The following MYOM1 variants were observed in gnomAD, a reference collection of about 807,000 sequenced individuals.
The protein encoded by MYOM1 is myomesin-1.
A neutral mutation model predicts 205.3 loss-of-function variants in MYOM1; 164 were observed. The observed-to-expected ratio is 0.80, with a 90% CI of 0.70 to 0.91. The LOEUF is 0.91. MYOM1 is among the 40% of genes least tolerant of loss of function. MYOM1 has a pLI of 0.00. For synonymous variants in MYOM1, 772 were observed against 789.4 expected (o/e 0.98, Z 0.37); for missense variants, 2,011 against 2,127.3 (o/e 0.95, Z 1.08).
Position 3,102,503 on chromosome 18 carries a change from T to C in MYOM1, c.3546A>G (p.Pro1182=), listed in dbSNP as rs2079392988. ...TGCCCTTGCTTTCGACTTCCAATCG[T>C]GGAGAGTCCTCAGTGGATACATAAT... ...SKDYVSTEDS[P]RLEVESKGNK... Residue 1182 remains proline, a synonymous_variant, in exon 23 of 38, where the codon CCA becomes CCG. Coordinates refer to ENST00000356443, the MANE Select transcript of MYOM1 (RefSeq NM_003803.4). 2 of 1,612,890 alleles carry C rather than the reference T, an allele frequency of 1.2e-6. No homozygotes were observed. Among genetic ancestry groups the C allele is most frequent in the Admixed American group, 3.3e-5 (2 of 59,834 alleles).
rs184669532 is a variant in MYOM1, at chr18:3,068,905, T to C, written c.4765-1350A>G. On this transcript the variant is annotated intron_variant, in intron 37 of 37. Coordinates refer to ENST00000356443, the MANE Select transcript of MYOM1 (RefSeq NM_003803.4). ...GGGATACAATTGCTGGAATGTATGA[T>C]AAATGCATGTTTCATTTTTTCTTTA... Among the ~76,000 whole-genome samples, 318 of 152,332 alleles carry C rather than the reference T, an allele frequency of 2.1e-3. 1 individual carries two copies. Among genetic ancestry groups the C allele is most frequent in the Middle Eastern group, 6.8e-3 (2 of 294 alleles).
chr18:3,173,816 T>C lies in MYOM1; in HGVS notation c.1174+122A>G, dbSNP rs767175270. On this transcript the variant is annotated intron_variant, in intron 8 of 37. Transcript: ENST00000356443. ...AAATAAAATAACCACAGGTACCTAC[T>C]ACATCCAACCTAGCATATACTATGT... 113 of 854,682 alleles carry C rather than the reference T, an allele frequency of 1.3e-4. 1 individual carries two copies. The highest frequency in any genetic ancestry group is 2.0e-4 in the Non-Finnish European group (110 of 546,400). The allele number at this position is 854,682 out of a possible 1,614,324, so 52.9% of individuals were successfully genotyped here. A position where few individuals can be genotyped will look rare whatever the true frequency, so the allele number is the denominator to read the frequency against.
intron 17 of MYOM1, among the ~76,000 whole-genome samples, chr18:3,130,469 A>T (rs1332200936): frequency 6.6e-6 from 1 of 152,168 alleles, no homozygotes; most frequent in Non-Finnish European, 1.5e-5. Context: ...TATTTATTTC[A>T]GACACAGGAT....
At chr18:3,195,279 C>G (rs1249578060) in intron 2 of MYOM1, among the ~76,000 whole-genome samples, 1 of 152,226 alleles carries the variant, frequency 6.6e-6, no homozygotes, top group Non-Finnish European at 1.5e-5. Flanking sequence ...CCACCTCCCC[C>G]AGTGGGGAAT....
rs369026745 is a variant in MYOM1 at position 3,067,492 on chromosome 18, C to G, written c.4828G>C (p.Glu1610Gln). 11 of 1,613,838 alleles carry G rather than the reference C, an allele frequency of 6.8e-6. No homozygotes were observed. The highest frequency in any genetic ancestry group is 2.2e-5 in the East Asian group (1 of 44,876). ...PPPEVSWLKN[E>Q]KALASDDHCN... is the part of the protein sequence containing the mutation. ...TGGTCGTCTGAGGCCAGGGCCTTCT[C>G]GTTCTTCAACCACGACACCTCCGGA... Residue 1610 changes from glutamate to glutamine, a missense_variant, in exon 38 of 38, where the codon GAG becomes CAG. By Grantham distance (29) the Glu-to-Gln change is conservative. Coordinates refer to ENST00000356443, the MANE Select transcript of MYOM1 (RefSeq NM_003803.4).
At chr18:3,234,016 C>G in the MYOM1 span, among the ~76,000 whole-genome samples, 1 of 152,306 alleles carries the variant, frequency 6.6e-6, no homozygotes, top group African/African-American at 2.4e-5. Flanking sequence ...CTACCTTTTC[C>G]TCTTACCCAG....
intron 18 of MYOM1, among the ~76,000 whole-genome samples, chr18:3,128,073 T>C (rs2079821074): frequency 1.3e-5 from 2 of 152,244 alleles, no homozygotes; most frequent in African/African-American, 4.8e-5. Context: ...AATGTTTATT[T>C]GGATTATAGG....
At position 3,135,240 on chromosome 18, in the gene MYOM1, G is replaced by A. The variant is rs2079938731; in HGVS notation, c.2209+307C>T. On this transcript the variant is annotated intron_variant, in intron 15 of 37. Coordinates refer to ENST00000356443, the MANE Select transcript of MYOM1 (RefSeq NM_003803.4). The surrounding 1 kb of genome is among the most constrained non-coding windows in gnomAD (Gnocchi z 4.1). The stretch of plus-strand genomic sequence containing the variant: ...GCTCAGATTACAGACATGAGCCACC[G>A]CGCCTGGCCTACATTGTATTTTTTA... 3.5e-6 allele frequency: 1 copy of A among 285,306 alleles called. No homozygotes were observed. Among genetic ancestry groups the A allele is most frequent in the South Asian group, 5.3e-5 (1 of 19,032 alleles). 17.7% of individuals were successfully genotyped at this position (285,306 alleles called of 1,614,324 possible). A position where few individuals can be genotyped will look rare whatever the true frequency, so the allele number is the denominator to read the frequency against.
At position 3,079,262 on chromosome 18, in the gene MYOM1, G is replaced by A. The variant is rs754185588; in HGVS notation, c.4565C>T (p.Thr1522Ile). ...GACATACTTCCCTTTGTCATTCGGGGTGGGCTCGTTGATTTGTAGCCAGAT... is the reference window on the plus strand; with the variant it reads ...GACATACTTCCCTTTGTCATTCGGGATGGGCTCGTTGATTTGTAGCCAGAT... ...EQIWLQINEP[T>I]PNDKGKYVME... is the part of the protein sequence containing the mutation. The change falls in exon 34 of 38, where the codon ACC becomes ATC. Residue 1522 changes from threonine to isoleucine, a missense_variant. Thr to Ile is a moderately conservative substitution (Grantham distance 89, BLOSUM62 -1). Coordinates refer to ENST00000356443, the MANE Select transcript of MYOM1 (RefSeq NM_003803.4). The A allele has an allele frequency of 3.1e-6, 5 of 1,613,764 alleles. No individual in the cohort carries two copies. The Admixed American group carries it at 5.0e-5, about 16-fold the overall frequency.
chr18:3,206,525 C>T (rs2081125313), intron 2 of MYOM1, among the ~76,000 whole-genome samples: 1 of 152,178 alleles, frequency 6.6e-6, no homozygotes, highest in South Asian at 2.1e-4. Context: ...TTCTACTCTC[C>T]AATTTTCTGT....
intron 5 of MYOM1, among the ~76,000 whole-genome samples, chr18:3,182,647 C>G (rs1210466439): frequency 3.3e-5 from 5 of 152,118 alleles, no homozygotes; most frequent in Non-Finnish European, 4.4e-5. Context: ...GGGTCAATAG[C>G]TTTTCTTGGG....
the MYOM1 span, among the ~76,000 whole-genome samples, chr18:3,243,664 T>C: frequency 2.6e-5 from 4 of 152,232 alleles, no homozygotes; most frequent in Non-Finnish European, 4.4e-5. Flanking sequence ...TTTTCCTTTC[T>C]ATTCTACCCC....
In MYOM1 at chr18:3,126,979, T is replaced by G; in HGVS notation, c.2795-82A>C. On this transcript the variant is annotated intron_variant, in intron 18 of 37. Coordinates refer to ENST00000356443, the MANE Select transcript of MYOM1 (RefSeq NM_003803.4). Reference sequence around the variant, plus strand: ...TAAACATTTCCATGGGTGCCACATATGAGGGCACTAGATCTTGCAGTATAA... The same window carrying G: ...TAAACATTTCCATGGGTGCCACATAGGAGGGCACTAGATCTTGCAGTATAA... 3 of 1,272,958 alleles carry G rather than the reference T, an allele frequency of 2.4e-6. No homozygotes were observed. In the South Asian group the frequency reaches 4.2e-5, roughly 18 times the overall value. 78.9% of individuals were successfully genotyped at this position (1,272,958 alleles called of 1,614,324 possible).
At chr18:3,132,379 C>T (rs188899497) in intron 16 of MYOM1, among the ~76,000 whole-genome samples, 2 of 151,936 alleles carry the variant, frequency 1.3e-5, no homozygotes, top group East Asian at 1.9e-4. Flanking sequence ...TCTTGAACTC[C>T]GACCTCGTGA....
chr18:3,186,224 T>G (rs949210403), intron 5 of MYOM1, among the ~76,000 whole-genome samples: 4 of 151,510 alleles, frequency 2.6e-5, no homozygotes, highest in African/African-American at 4.8e-5. Context: ...AGAATAACCT[T>G]AGAGAGTTAA....
chr18:3,111,629 G>A (rs1357468798), intron 22 of MYOM1, among the ~76,000 whole-genome samples: 4 of 152,014 alleles, frequency 2.6e-5, no homozygotes, highest in Admixed American at 2.6e-4. Flanking sequence ...TCAAAACACA[G>A]GAAAATTATA....
At chr18:3,238,864 T>C in the MYOM1 span, among the ~76,000 whole-genome samples, 56 of 152,010 alleles carry the variant, frequency 3.7e-4, no homozygotes, top group African/African-American at 1.2e-3. Context: ...GCCAGCAACA[T>C]TGTATCTCTT....
chr18:3,176,028 T>C lies in MYOM1; in HGVS notation c.1022+14A>G, dbSNP rs1156346067. The C allele has an allele frequency of 3.3e-6, 5 of 1,497,654 alleles. No homozygotes were observed. Among genetic ancestry groups the C allele is most frequent in the Non-Finnish European group, 4.7e-6 (5 of 1,074,708 alleles). 92.8% of individuals were successfully genotyped at this position (1,497,654 alleles called of 1,614,324 possible). The stretch of plus-strand genomic sequence containing the variant: ...GCAATGGTGAGCAACACATGGACAC[T>C]AATGTTCTCTTACCCATTAATCTCC... On this transcript the variant is annotated intron_variant, in intron 6 of 37. Coordinates refer to ENST00000356443, the MANE Select transcript of MYOM1 (RefSeq NM_003803.4).
At chr18:3,118,369 A>G (rs2079636027) in intron 20 of MYOM1, among the ~76,000 whole-genome samples, 1 of 151,936 alleles carries the variant, frequency 6.6e-6, no homozygotes, top group African/African-American at 2.4e-5. Context: ...TTAAAGACAG[A>G]CAGAGCCTCA....
Sources: gnomAD v4.1 joint callset for allele counts (sites outside exome capture counted in the v4.1 genomes callset) on GRCh38, gnomAD v4.1.1 for gene constraint, Gnocchi (gnomAD v3.1) non-coding constraint, MANE v1.5 for transcripts, NCBI Gene and HGNC (gene_info 2026-07-23, HGNC 2026-07-21) for gene names.